Variants in NKAIN2 observed in about 807,000 individuals in gnomAD.
The protein encoded by NKAIN2 is sodium/potassium transporting ATPase interacting 2, also known as sodium/potassium-transporting ATPase subunit beta-1-interacting protein 2.
In NKAIN2, 14 loss-of-function variants were observed where a neutral mutation model predicts 32.6. That is an observed-to-expected ratio of 0.43 (90% CI 0.28 to 0.67). The LOEUF (loss-of-function observed/expected upper bound fraction) is 0.67, where lower values mean the gene tolerates loss of function less well. NKAIN2 is among the 30% of genes least tolerant of loss of function. The pLI is 0.17. For synonymous variants in NKAIN2, 80 were observed against 87.2 expected (o/e 0.92, Z 0.46); for missense variants, 198 against 258.3 (o/e 0.77, Z 1.60).
At chr6:124,428,822 T>A (rs1037132780) in intron 3 of NKAIN2, among the ~76,000 whole-genome samples, 3 of 152,140 alleles carry the variant, frequency 2.0e-5, no homozygotes, top group African/African-American at 7.2e-5. Flanking sequence ...TATGTGCATC[T>A]CTAAGTATGC....
intron 1 of NKAIN2, among the ~76,000 whole-genome samples, chr6:123,990,219 G>A (rs1242071577): frequency 1.3e-5 from 2 of 152,162 alleles, no homozygotes; most frequent in Admixed American, 6.5e-5. Context: ...CCCTCGACAC[G>A]TGGGGATTAT....
rs1455880346 is a variant in NKAIN2 at position 123,885,761 on chromosome 6, A to G, written c.54+81507A>G. The stretch of plus-strand genomic sequence containing the variant: ...TAAAGTAGCCTGCCAATCAGAGGTC[A>G]TTTTTAGTTCACCATTGCCTCTTAC... On this transcript the variant is annotated intron_variant, in intron 1 of 6. Transcript: ENST00000368417. Among the ~76,000 whole-genome samples, 4 of 152,054 alleles carry G rather than the reference A, an allele frequency of 2.6e-5. No homozygotes were observed. In the East Asian group the frequency reaches 5.8e-4, roughly 22 times the overall value.
intron 3 of NKAIN2, among the ~76,000 whole-genome samples, chr6:124,404,272 G>T (rs867288711): frequency 7.0e-4 from 106 of 152,180 alleles, no homozygotes; most frequent in African/African-American, 2.3e-3. Context: ...TGTTATTCTC[G>T]TGGAGGGGGA....
intron 2 of NKAIN2, among the ~76,000 whole-genome samples, chr6:124,322,942 A>G (rs1401649488): frequency 1.3e-5 from 2 of 152,152 alleles, no homozygotes; most frequent in Non-Finnish European, 2.9e-5. Flanking sequence ...TGGTATGGGC[A>G]TATATTTATT....
rs374851616 is a variant in NKAIN2, at chr6:124,018,331, C to G, written c.54+214077C>G. 2.8e-3 allele frequency among the ~76,000 whole-genome samples: 419 copies of G among 152,206 alleles called. 2 individuals are homozygous for G. The highest frequency in any genetic ancestry group is 9.9e-3 in the African/African-American group (413 of 41,544). On this transcript the variant is annotated intron_variant, in intron 1 of 6. Transcript: ENST00000368417. ...GATAGGAGAGGCTGCCACAGAAGTC[C>G]CTGACATGCTCTGGAGACATTTTCC...
At chr6:123,820,870 T>G (rs1773893514) in intron 1 of NKAIN2, among the ~76,000 whole-genome samples, 1 of 152,214 alleles carries the variant, frequency 6.6e-6, no homozygotes, top group Non-Finnish European at 1.5e-5. Flanking sequence ...AATATTACTC[T>G]TATCCATTCG....
intron 1 of NKAIN2, among the ~76,000 whole-genome samples, chr6:123,940,323 T>C (rs1377678814): frequency 6.6e-6 from 1 of 151,082 alleles, no homozygotes; most frequent in Non-Finnish European, 1.5e-5. Context: ...TGTGTGTGTG[T>C]GCCTGTGTGT....
chr6:124,051,573 G>C (rs1319212982), intron 1 of NKAIN2, among the ~76,000 whole-genome samples: 3 of 151,434 alleles, frequency 2.0e-5, no homozygotes, highest in African/African-American at 4.9e-5. Context: ...ATCCCTCCCC[G>C]CTCCCCCGAC....
At chr6:124,639,025 A>C (rs1783887351) in intron 3 of NKAIN2, among the ~76,000 whole-genome samples, 1 of 152,148 alleles carries the variant, frequency 6.6e-6, no homozygotes, top group African/African-American at 2.4e-5. Context: ...TCAAAACCAC[A>C]ATGAAATATC....
At chr6:123,818,354 A>AC (rs1773785413) in intron 1 of NKAIN2, among the ~76,000 whole-genome samples, 1 of 144,508 alleles carries the variant, frequency 6.9e-6, no homozygotes. Flanking sequence ...TTCTTGTGGA[A>AC]ACACACACAC....
intron 4 of NKAIN2, among the ~76,000 whole-genome samples, chr6:124,675,523 G>A (rs1773314980): frequency 6.6e-6 from 1 of 151,922 alleles, no homozygotes; most frequent in Non-Finnish European, 1.5e-5. Flanking sequence ...GCTTGTTCTT[G>A]GACTTATGAG....
chr6:124,774,330 G>A (rs1161459724), intron 4 of NKAIN2, among the ~76,000 whole-genome samples: 1 of 152,150 alleles, frequency 6.6e-6, no homozygotes, highest in African/African-American at 2.4e-5. Flanking sequence ...GTTCTATAAT[G>A]TCAGAAAAAG....
intron 2 of NKAIN2, among the ~76,000 whole-genome samples, chr6:124,341,410 T>C (rs1429103187): frequency 6.6e-6 from 1 of 152,128 alleles, no homozygotes; most frequent in African/African-American, 2.4e-5. Flanking sequence ...GGAAAAAGAA[T>C]GGAAACCTGT....
chr6:124,621,200 A>G (rs777652295), intron 3 of NKAIN2, among the ~76,000 whole-genome samples: 1 of 152,202 alleles, frequency 6.6e-6, no homozygotes, highest in Non-Finnish European at 1.5e-5. Context: ...TAGAAAAACC[A>G]CTACTCTAAG....
chr6:124,563,118 C>A (rs142631675), intron 3 of NKAIN2, among the ~76,000 whole-genome samples: 7,035 of 151,716 alleles, frequency 0.046, 172 homozygotes, highest in Non-Finnish European at 0.059. Flanking sequence ...GTTGGCCAGG[C>A]TGGTCTCAAA....
intron 1 of NKAIN2, among the ~76,000 whole-genome samples, chr6:123,862,333 T>C (rs1775815903): frequency 6.6e-6 from 1 of 152,116 alleles, no homozygotes; most frequent in African/African-American, 2.4e-5. Flanking sequence ...AGTTTTTTAG[T>C]TTTTGACTCT....
chr6:124,159,511 G>T (rs1199294628), intron 1 of NKAIN2, among the ~76,000 whole-genome samples: 1 of 152,056 alleles, frequency 6.6e-6, no homozygotes, highest in Non-Finnish European at 1.5e-5. Context: ...AAATTTCTCT[G>T]TATGTATTGA....
chr6:124,401,077 AT>A (rs1261356544), intron 3 of NKAIN2, among the ~76,000 whole-genome samples: 1 of 152,172 alleles, frequency 6.6e-6, no homozygotes, highest in Non-Finnish European at 1.5e-5. Context: ...AAAATCTTAC[AT>A]TTTTAAAAAT....
chr6:124,775,518 C>G (rs768398160), intron 4 of NKAIN2, among the ~76,000 whole-genome samples: 4 of 152,152 alleles, frequency 2.6e-5, no homozygotes, highest in Non-Finnish European at 4.4e-5. Context: ...AGATTTTGAC[C>G]ATCCAGAGAA....
Sources: gnomAD v4.1 joint callset for allele counts (sites outside exome capture counted in the v4.1 genomes callset) on GRCh38, gnomAD v4.1.1 for gene constraint, MANE v1.5 for transcripts, NCBI Gene and HGNC (gene_info 2026-07-23, HGNC 2026-07-21) for gene names.